Variants in NCOR2 observed in about 807,000 individuals in gnomAD.
NCOR2 encodes CTG repeat protein 26.
In NCOR2, 81 loss-of-function variants were observed where a neutral mutation model predicts 262.9. The ratio of observed to expected loss-of-function variants is 0.31; its 90% CI spans 0.26 to 0.37. The LOEUF (loss-of-function observed/expected upper bound fraction) is 0.37, where lower values mean the gene tolerates loss of function less well. NCOR2 is among the 10% of genes least tolerant of loss of function. NCOR2 has a pLI of 1.00. For synonymous variants in NCOR2, 1,659 were observed against 1,559.3 expected, an observed-to-expected ratio of 1.06 and a Z score of -1.51; for missense variants, 3,385 against 3,621.4, an observed-to-expected ratio of 0.93 and a Z score of 1.68.
intron 1 of NCOR2, among the ~76,000 whole-genome samples, chr12:124,487,001 C>A (rs2047797979): frequency 6.6e-6 from 1 of 152,216 alleles, no homozygotes; most frequent in Non-Finnish European, 1.5e-5. Flanking sequence ...TCTACCCTCC[C>A]ACCCCATCCT....
chr12:124,347,895 G>A (rs1272448263), exon 30 of NCOR2: 2 of 1,563,498 alleles, frequency 1.3e-6, no homozygotes, highest in Non-Finnish European at 1.7e-6. Flanking sequence ...CCGGCGGGAT[G>A]GCACGGCCCA....
At chr12:124,377,161 G>A (rs1445740559) in intron 18 of NCOR2, among the ~76,000 whole-genome samples, 6 of 152,206 alleles carry the variant, frequency 3.9e-5, no homozygotes, top group Admixed American at 3.9e-4. Flanking sequence ...CCGGAGCCCT[G>A]GACAACACAC....
intron 16 of NCOR2, among the ~76,000 whole-genome samples, chr12:124,391,861 G>A (rs1055670812): frequency 6.6e-6 from 1 of 152,224 alleles, no homozygotes; most frequent in African/African-American, 2.4e-5. Flanking sequence ...ATTTCCGGAA[G>A]TGCCACGTTA....
intron 44 of NCOR2, among the ~76,000 whole-genome samples, chr12:124,328,005 G>T (rs1400300183): frequency 6.6e-6 from 1 of 151,846 alleles, no homozygotes. Flanking sequence ...TCCTAGCTGG[G>T]GCTGTTTTGT....
exon 46 of NCOR2, chr12:124,326,339 T>C: frequency 6.5e-7 from 1 of 1,532,618 alleles, no homozygotes; most frequent in Non-Finnish European, 8.7e-7. Flanking sequence ...GGCTGCTGGG[T>C]CTGCCAGAGA....
At chr12:124,415,958 TAC>T (rs2136270390) in intron 13 of NCOR2, among the ~76,000 whole-genome samples, 1 of 152,196 alleles carries the variant, frequency 6.6e-6, no homozygotes, top group African/African-American at 2.4e-5. Flanking sequence ...GTGTGGCATA[TAC>T]AGTGTTGAGC....
At chr12:124,326,089 G>A in intron 46 of NCOR2, 102 bp downstream of exon 48, 1 of 1,282,090 alleles carries the variant, frequency 7.8e-7, no homozygotes, top group Non-Finnish European at 1.0e-6. Context: ...CCGAGTCTGA[G>A]CTCTGCATGC....
intron 17 of NCOR2, among the ~76,000 whole-genome samples, chr12:124,379,196 C>A (rs1438953762): frequency 1.3e-5 from 2 of 152,142 alleles, no homozygotes; most frequent in African/African-American, 4.8e-5. Context: ...GGGGAACATG[C>A]CGGGTGTGTC....
At chr12:124,423,231 G>T (rs1255221357) in intron 11 of NCOR2, among the ~76,000 whole-genome samples, 1 of 152,220 alleles carries the variant, frequency 6.6e-6, no homozygotes, top group Admixed American at 6.5e-5. Flanking sequence ...TGGGGGCGGG[G>T]ATGTGGGTCA....
chr12:124,401,531 A>G (rs1214063450), intron 14 of NCOR2, among the ~76,000 whole-genome samples: 1 of 152,248 alleles, frequency 6.6e-6, no homozygotes, highest in Non-Finnish European at 1.5e-5. Context: ...GAGGCAATAC[A>G]TTGGCCTTCA....
intron 16 of NCOR2, among the ~76,000 whole-genome samples, chr12:124,390,674 AG>A (rs1348321956): frequency 6.6e-6 from 1 of 152,212 alleles, no homozygotes; most frequent in East Asian, 1.9e-4. Flanking sequence ...TTAGCTCTGC[AG>A]GGGGCCCCGA....
chr12:124,532,235 A>G (rs941011495), intron 1 of NCOR2, among the ~76,000 whole-genome samples: 1 of 144,358 alleles, frequency 6.9e-6, no homozygotes, highest in African/African-American at 2.6e-5. Flanking sequence ...CCCTTCTACC[A>G]TCACGGTTCT....
intron 42 of NCOR2, among the ~76,000 whole-genome samples, chr12:124,332,688 G>A (rs562811048): frequency 1.4e-4 from 21 of 152,266 alleles, no homozygotes; most frequent in African/African-American, 5.1e-4. Context: ...GCCTGGCTGC[G>A]TGGTGGGCTG....
intron 1 of NCOR2, among the ~76,000 whole-genome samples, chr12:124,512,121 A>G (rs61933581): frequency 0.11 from 16,259 of 152,166 alleles, 1,004 homozygotes; most frequent in East Asian, 0.2. Context: ...CATGTTGCCC[A>G]GGCTGATCTT....
In NCOR2 at chr12:124,335,425, G is replaced by A. The variant is rs115815514; in HGVS notation, c.6265+58C>T. 1.3e-3 allele frequency: 2,109 copies of A among 1,564,668 alleles called. 31 individuals are homozygous for A. The African/African-American group carries it at 0.025, about 19-fold the overall frequency. The stretch of plus-strand genomic sequence containing the variant: ...TCTGTTTTCCTATCTGCATGATGGG[G>A]CCTTGAGGGTCCTCACTGTGCAGGG... On this transcript the variant is annotated intron_variant, in intron 39 of 46. Transcript: ENST00000405201.
At chr12:124,528,405 C>G (rs925767300) in intron 1 of NCOR2, among the ~76,000 whole-genome samples, 3 of 152,178 alleles carry the variant, frequency 2.0e-5, no homozygotes, top group African/African-American at 7.2e-5. Flanking sequence ...GCTGACACCC[C>G]TCAGGCAAGG....
intron 1 of NCOR2, among the ~76,000 whole-genome samples, chr12:124,560,214 G>A (rs570620422): frequency 6.6e-6 from 1 of 152,350 alleles, no homozygotes; most frequent in South Asian, 2.1e-4. Context: ...CTTCTGCAAA[G>A]GGCCAGAGAG....
chr12:124,359,780 C>T (rs1367376752), intron 22 of NCOR2, among the ~76,000 whole-genome samples: 2 of 152,250 alleles, frequency 1.3e-5, no homozygotes, highest in Non-Finnish European at 2.9e-5. Context: ...TCCAGTTGGG[C>T]CCAGGGGGCC....
intron 8 of NCOR2, among the ~76,000 whole-genome samples, chr12:124,434,781 G>A (rs2044235997): frequency 6.6e-6 from 1 of 152,150 alleles, no homozygotes; most frequent in Non-Finnish European, 1.5e-5. Context: ...TAGGGGTGAA[G>A]GTCGGCACCT....
Sources: allele counts gnomAD v4.1 joint callset (sites outside exome capture counted in the v4.1 genomes callset), GRCh38; gene constraint gnomAD v4.1.1; transcripts MANE v1.5; gene names NCBI Gene and HGNC (gene_info 2026-07-23, HGNC 2026-07-21).